Variants in GLRA3 observed in about 807,000 individuals in gnomAD.
GLRA3 encodes the protein glycine receptor alpha 3.
Under a neutral mutation model 60.4 loss-of-function variants are expected in GLRA3, and 44 were observed. That is an observed-to-expected ratio of 0.73 (90% CI 0.57 to 0.94). The LOEUF is 0.94. Among genes scored for constraint, GLRA3 ranks in the 40% least tolerant of loss-of-function variants. The probability of loss-of-function intolerance (pLI) is 0.00; values close to 1 mark genes in which losing one functional copy is unlikely to be tolerated. For synonymous variants in GLRA3, 223 were observed against 192.9 expected, an observed-to-expected ratio of 1.16 and a Z score of -1.29; for missense variants, 508 against 564.6, an observed-to-expected ratio of 0.90 and a Z score of 1.02.
At position 174,809,207 on chromosome 4, in the gene GLRA3, G is replaced by A. The variant is rs1407163338; in HGVS notation, c.71+19534C>T. ...ATATGTATACAATTGTGTTACAATT[G>A]CCTACAGTATTTAATACTGTACATG... On this transcript the variant is annotated intron_variant, in intron 1 of 9. Transcript: ENST00000274093. 2.0e-5 allele frequency among the ~76,000 whole-genome samples: 3 copies of A among 152,018 alleles called. No homozygotes were observed. The South Asian group carries it at 6.2e-4, about 32-fold the overall frequency.
intron 5 of GLRA3, among the ~76,000 whole-genome samples, chr4:174,691,653 C>T (rs1424207017): frequency 2.6e-5 from 4 of 152,220 alleles, no homozygotes; most frequent in Admixed American, 6.5e-5. Flanking sequence ...CTCGGCCTCC[C>T]GAGGTGCCGG....
intron 1 of GLRA3, among the ~76,000 whole-genome samples, chr4:174,822,598 G>A (rs1429173769): frequency 6.6e-6 from 1 of 152,128 alleles, no homozygotes; most frequent in Non-Finnish European, 1.5e-5. Flanking sequence ...TAAAATTTAG[G>A]TAGGATACTG....
intron 3 of GLRA3, among the ~76,000 whole-genome samples, chr4:174,734,993 T>C (rs1736712879): frequency 6.6e-6 from 1 of 152,138 alleles, no homozygotes; most frequent in Non-Finnish European, 1.5e-5. Context: ...CAATGAAAAA[T>C]AGTAATTTTT....
At chr4:174,657,921 T>C (rs1015463037) in intron 8 of GLRA3, among the ~76,000 whole-genome samples, 5 of 152,150 alleles carry the variant, frequency 3.3e-5, no homozygotes, top group Non-Finnish European at 7.4e-5. Flanking sequence ...TGTGTGTTTA[T>C]TGGAGCAGTG....
At chr4:174,790,669 C>T (rs1465967028) in intron 1 of GLRA3, among the ~76,000 whole-genome samples, 1 of 151,766 alleles carries the variant, frequency 6.6e-6, no homozygotes, top group Non-Finnish European at 1.5e-5. Context: ...TAATACTCTG[C>T]CTCCTTCTCT....
chr4:174,778,808 CT>C (rs1435797454), intron 2 of GLRA3, among the ~76,000 whole-genome samples: 12 of 152,174 alleles, frequency 7.9e-5, no homozygotes, highest in Non-Finnish European at 1.2e-4. Context: ...CCGCACCTGG[CT>C]TGGAGGGTCC....
At chr4:174,767,662 A>T (rs913391863) in intron 2 of GLRA3, among the ~76,000 whole-genome samples, 2 of 152,026 alleles carry the variant, frequency 1.3e-5, no homozygotes, top group African/African-American at 4.8e-5. Flanking sequence ...GAGCCAATAA[A>T]TCTTCCACTC....
intron 3 of GLRA3, among the ~76,000 whole-genome samples, chr4:174,750,107 A>G (rs1303396493): frequency 6.6e-6 from 1 of 152,062 alleles, no homozygotes; most frequent in African/African-American, 2.4e-5. Context: ...ATTATACTCA[A>G]TCCAAGGAAG....
At chr4:174,658,714 A>G (rs1386433522) in intron 8 of GLRA3, among the ~76,000 whole-genome samples, 2 of 152,238 alleles carry the variant, frequency 1.3e-5, no homozygotes, top group Non-Finnish European at 2.9e-5. Context: ...GATGACTTAT[A>G]TCAAGTGAAA....
intron 4 of GLRA3, among the ~76,000 whole-genome samples, chr4:174,721,889 GTGTGTGTA>G (rs1252305264): frequency 5.9e-5 from 9 of 151,424 alleles, no homozygotes; most frequent in East Asian, 5.8e-4. Context: ...ATATATATAT[GTGTGTGTA>G]TGTGTGTATG....
chr4:174,778,178 C>G (rs77333597), intron 2 of GLRA3, among the ~76,000 whole-genome samples: 1 of 152,058 alleles, frequency 6.6e-6, no homozygotes, highest in Non-Finnish European at 1.5e-5. Flanking sequence ...GTGGTCTGCG[C>G]CTGGGGATGT....
At chr4:174,737,544 C>A (rs886724862) in intron 3 of GLRA3, among the ~76,000 whole-genome samples, 6 of 151,946 alleles carry the variant, frequency 3.9e-5, no homozygotes, top group African/African-American at 1.5e-4. Context: ...GAGACAGTCT[C>A]TCTCTGTCGC....
chr4:174,702,234 C>A (rs1012895716), intron 5 of GLRA3, among the ~76,000 whole-genome samples: 6 of 152,156 alleles, frequency 3.9e-5, no homozygotes, highest in Non-Finnish European at 5.9e-5. Context: ...TGAGGCAAGA[C>A]CCTCCACCAG....
intron 5 of GLRA3, among the ~76,000 whole-genome samples, chr4:174,690,893 CT>C (rs1170738440): frequency 6.6e-6 from 1 of 152,134 alleles, no homozygotes; most frequent in Non-Finnish European, 1.5e-5. Context: ...ACCACATTTT[CT>C]TTATCCCTTT....
intron 4 of GLRA3, among the ~76,000 whole-genome samples, chr4:174,720,111 G>A (rs1736076963): frequency 6.6e-6 from 1 of 152,088 alleles, no homozygotes; most frequent in Non-Finnish European, 1.5e-5. Context: ...GATTTTTAAT[G>A]CAAGAATGCC....
At position 174,691,725 on chromosome 4, in the gene GLRA3, G is replaced by A. The variant is rs1048469202; in HGVS notation, c.575-8786C>T. 1.9e-4 allele frequency among the ~76,000 whole-genome samples: 29 copies of A among 152,238 alleles called. 1 individual carries two copies. Among genetic ancestry groups the A allele is most frequent in the South Asian group, 6.2e-4 (3 of 4,824 alleles). ...GGTGCCCAGGCTGGAGTGCAGTGGC[G>A]TGATCTCGGCTCGCTACAACCTCCA... On this transcript the variant is annotated intron_variant, in intron 5 of 9. Coordinates refer to ENST00000274093, the MANE Select transcript of GLRA3 (RefSeq NM_006529.4).
At chr4:174,685,730 C>T (rs188578210) in intron 5 of GLRA3, among the ~76,000 whole-genome samples, 7 of 151,804 alleles carry the variant, frequency 4.6e-5, no homozygotes, top group South Asian at 2.1e-4. Flanking sequence ...ACCATTTTAC[C>T]GAGAAAGTAG....
intron 1 of GLRA3, among the ~76,000 whole-genome samples, chr4:174,804,001 G>T (rs748338459): frequency 5.9e-5 from 9 of 152,060 alleles, no homozygotes; most frequent in Admixed American, 5.9e-4. Flanking sequence ...ATGACATTTG[G>T]TTTTTTATAG....
In GLRA3 at chr4:174,667,183, A is replaced by T. The variant is rs146130887; in HGVS notation, c.928-7986T>A. Among the ~76,000 whole-genome samples the T allele has an allele frequency of 6.2e-3, 945 of 152,172 alleles. 14 individuals are homozygous for T. The highest frequency in any genetic ancestry group is 0.021 in the African/African-American group (866 of 41,538). ...CACAGGTTGTTTCTGCTCAAAGTTC[A>T]TTAGCCAGAACTACTCACAGTCAAC... On this transcript the variant is annotated intron_variant, in intron 7 of 9. Coordinates refer to ENST00000274093, the MANE Select transcript of GLRA3 (RefSeq NM_006529.4).
Sources: gnomAD v4.1 joint callset for allele counts (sites outside exome capture counted in the v4.1 genomes callset) on GRCh38, gnomAD v4.1.1 for gene constraint, MANE v1.5 for transcripts, NCBI Gene and HGNC (gene_info 2026-07-23, HGNC 2026-07-21) for gene names.